The following ABCA4 variants were observed in gnomAD, a reference collection of about 807,000 sequenced individuals.
ABCA4 encodes retinal-specific phospholipid-transporting ATPase ABCA4.
In ABCA4, 196 loss-of-function variants were observed where a neutral mutation model predicts 263.7. The observed-to-expected ratio is 0.74, with a 90% CI of 0.66 to 0.84. ABCA4 has a LOEUF of 0.84. ABCA4 is among the 40% of genes least tolerant of loss of function. The pLI, the probability that ABCA4 is intolerant of heterozygous loss-of-function variation, is 0.00. For missense variants in ABCA4, 2,792 were observed against 2,855.1 expected, an observed-to-expected ratio of 0.98 and a Z score of 0.50; for synonymous variants, 1,133 against 1,094.2, an observed-to-expected ratio of 1.04 and a Z score of -0.70.
At chr1:94,085,971 G>A (rs1356442739) in intron 6 of ABCA4, among the ~76,000 whole-genome samples, 1 of 152,008 alleles carries the variant, frequency 6.6e-6, no homozygotes, top group South Asian at 2.1e-4. Context: ...GCCCAGCCAC[G>A]CTCTCTTTAG....
At chr1:94,095,342 C>A (rs141405695) in intron 6 of ABCA4, among the ~76,000 whole-genome samples, 1 of 152,026 alleles carries the variant, frequency 6.6e-6, no homozygotes, top group African/African-American at 2.4e-5. Context: ...GTTGCACTCA[C>A]ACCCCCAGCT....
intron 4 of ABCA4, among the ~76,000 whole-genome samples, chr1:94,105,112 G>A (rs548242593): frequency 6.6e-6 from 1 of 152,280 alleles, no homozygotes; most frequent in Non-Finnish European, 1.5e-5. Flanking sequence ...TAGCAATGCT[G>A]GGTGCACAGA....
chr1:93,999,044 C>A (rs1659101686), intron 47 of ABCA4, among the ~76,000 whole-genome samples: 1 of 151,244 alleles, frequency 6.6e-6, no homozygotes, highest in Non-Finnish European at 1.5e-5. Context: ...AGCCACCACG[C>A]CCAGCCTATT....
chr1:94,060,605 A>T lies in ABCA4; in HGVS notation c.2092T>A (p.Cys698Ser), dbSNP rs746279613. 4.3e-6 allele frequency: 7 copies of T among 1,614,176 alleles called. No homozygotes were observed. The highest frequency in any genetic ancestry group is 5.1e-6 in the Non-Finnish European group (6 of 1,180,042). ...NQGVSNAVIW[C>S]TWFLDSFSIM... ...GAGAAGCTGTCCAGGAACCAGGTAC[A>T]CCAAATCACTGCATTGGAGACACCC... Residue 698 changes from cysteine to serine, a missense_variant, in exon 14 of 50, where the codon TGT (cysteine) becomes AGT (serine). By Grantham distance (112) the Cys-to-Ser change is moderately radical (BLOSUM62 -1). Transcript: ENST00000370225.
chr1:94,070,164 C>T (rs1406579190), intron 11 of ABCA4, among the ~76,000 whole-genome samples: 2 of 152,198 alleles, frequency 1.3e-5, no homozygotes, highest in African/African-American at 2.4e-5. Flanking sequence ...ACCAATCAGA[C>T]CACATTCTGG....
intron 16 of ABCA4, among the ~76,000 whole-genome samples, chr1:94,054,318 A>G (rs1416546969): frequency 6.6e-6 from 1 of 152,224 alleles, no homozygotes; most frequent in African/African-American, 2.4e-5. Flanking sequence ...GTCAGTAAAT[A>G]CATGCATAAG....
intron 11 of ABCA4, among the ~76,000 whole-genome samples, chr1:94,066,223 T>C (rs1371767142): frequency 6.6e-6 from 1 of 152,208 alleles, no homozygotes; most frequent in Non-Finnish European, 1.5e-5. Flanking sequence ...CACCCAACCA[T>C]GCTGCTTGAG....
intron 6 of ABCA4, among the ~76,000 whole-genome samples, chr1:94,097,919 T>TG (rs1485410844): frequency 1.5e-4 from 23 of 152,074 alleles, no homozygotes; most frequent in Middle Eastern, 3.4e-3. Context: ...CTGGCTAATT[T>TG]TTGTGTGTGT....
chr1:94,024,790 C>T (rs556319275), intron 31 of ABCA4, among the ~76,000 whole-genome samples, 164 bp downstream of exon 31: 1 of 152,230 alleles, frequency 6.6e-6, no homozygotes, highest in African/African-American at 2.4e-5. Context: ...CTTGTATGTG[C>T]CTCAATTGCT....
At chr1:94,050,271 T>G (rs1660799577) in intron 17 of ABCA4, among the ~76,000 whole-genome samples, 1 of 152,108 alleles carries the variant, frequency 6.6e-6, no homozygotes, top group Non-Finnish European at 1.5e-5. Context: ...GGAAACATCC[T>G]CCTGAAGAGT....
intron 11 of ABCA4, among the ~76,000 whole-genome samples, chr1:94,069,778 A>T (rs1444686644): frequency 2.6e-5 from 4 of 152,330 alleles, no homozygotes; most frequent in Non-Finnish European, 5.9e-5. Context: ...CACTGCAATA[A>T]ATTTTATCTT....
At chr1:94,080,295 G>T (rs945629892) in intron 8 of ABCA4, among the ~76,000 whole-genome samples, 183 bp downstream of exon 8, 2 of 152,064 alleles carry the variant, frequency 1.3e-5, no homozygotes, top group East Asian at 1.9e-4. Context: ...GTCCAGAATT[G>T]CTTATAAGCA....
intron 14 of ABCA4, among the ~76,000 whole-genome samples, chr1:94,059,095 A>T (rs910321539): frequency 5.3e-5 from 8 of 152,244 alleles, no homozygotes; most frequent in Admixed American, 5.2e-4. Context: ...CTAATGGCCC[A>T]TTCTTAGGAG....
intron 49 of ABCA4, 78 bp from the exon 50 acceptor site, chr1:93,993,320 A>G: frequency 6.3e-7 from 1 of 1,596,600 alleles, no homozygotes; most frequent in Non-Finnish European, 8.6e-7. Context: ...TCAAAAGCTA[A>G]ACAGTTGTCA....
chr1:94,010,030 C>T (rs1057208555), intron 40 of ABCA4, among the ~76,000 whole-genome samples: 1 of 152,196 alleles, frequency 6.6e-6, no homozygotes, highest in Admixed American at 6.5e-5. Context: ...AAATCAATTC[C>T]CTGTGGATCA....
chr1:94,065,857 A>T (rs2101083132), intron 11 of ABCA4, among the ~76,000 whole-genome samples: 1 of 152,336 alleles, frequency 6.6e-6, no homozygotes, highest in South Asian at 2.1e-4. Context: ...AGATATTAAT[A>T]ATTATGTTAA....
In ABCA4 at chr1:94,019,700, A is replaced by G. The variant is rs1659843072; in HGVS notation, c.5078T>C (p.Val1693Ala). 6.2e-7 allele frequency: 1 copy of G among 1,613,726 alleles called. No homozygotes were observed. Among genetic ancestry groups the G allele is most frequent in the African/African-American group, 1.3e-5 (1 of 74,928 alleles). ...AICVIFSMSF[V>A]PASFVLYLIQ... ...CAAATAAAGGACAAAGCTGGCTGGG[A>G]CGAAGGACATGGAGAAAATCACGCA... is the stretch of plus-strand genomic sequence containing the variant. Residue 1693 changes from valine (V) to alanine (A), a missense_variant, in exon 36 of 50, where the codon GTC becomes GCC. Val to Ala is a moderately conservative substitution (Grantham distance 64, BLOSUM62 0). Coordinates refer to ENST00000370225, the MANE Select transcript of ABCA4 (RefSeq NM_000350.3).
chr1:94,029,331 A>T, intron 30 of ABCA4, 114 bp downstream of exon 30: 1 of 1,092,276 alleles, frequency 9.2e-7, no homozygotes, highest in Non-Finnish European at 1.3e-6. Context: ...TTAGTCCCCT[A>T]CTCAACTGCC....
intron 11 of ABCA4, among the ~76,000 whole-genome samples, chr1:94,065,184 G>A (rs1045406746): frequency 4.6e-5 from 7 of 152,174 alleles, no homozygotes; most frequent in Middle Eastern, 3.4e-3. Context: ...ACCAGGAACC[G>A]TGGGAAAGGC....
Sources: gnomAD v4.1 joint callset for allele counts (sites outside exome capture counted in the v4.1 genomes callset) on GRCh38, gnomAD v4.1.1 for gene constraint, MANE v1.5 for transcripts, NCBI Gene and HGNC (gene_info 2026-07-23, HGNC 2026-07-21) for gene names.